The following CRPPA variants were observed in gnomAD, a reference collection of about 807,000 sequenced individuals.
CRPPA encodes the protein D-ribitol-5-phosphate cytidylyltransferase.
A neutral mutation model predicts 52.0 loss-of-function variants in CRPPA; 43 were observed. The observed-to-expected ratio is 0.83, with a 90% CI of 0.65 to 1.07. CRPPA has a LOEUF of 1.07. CRPPA is among the 50% of genes least tolerant of loss of function. CRPPA has a pLI of 0.00. For missense variants in CRPPA, 629 were observed against 551.7 expected, an observed-to-expected ratio of 1.14 and a Z score of -1.40; for synonymous variants, 250 against 203.5, an observed-to-expected ratio of 1.23 and a Z score of -1.94.
intron 3 of CRPPA, among the ~76,000 whole-genome samples, chr7:16,374,445 C>G (rs1212511324): frequency 2.0e-5 from 3 of 152,178 alleles, no homozygotes; most frequent in Non-Finnish European, 4.4e-5. Context: ...GGGACTTCAC[C>G]TTGTAACTGT....
At chr7:16,158,626 G>A (rs991490814) in intron 9 of CRPPA, among the ~76,000 whole-genome samples, 1 of 152,106 alleles carries the variant, frequency 6.6e-6, no homozygotes, top group Admixed American at 6.5e-5. Flanking sequence ...ACTGCACAGA[G>A]TAAACTAGTA....
chr7:16,377,612 GA>G (rs555774626), intron 2 of CRPPA, among the ~76,000 whole-genome samples: 90 of 152,272 alleles, frequency 5.9e-4, no homozygotes, highest in African/African-American at 2.1e-3. Flanking sequence ...TTCAGCAAAT[GA>G]AGAAACATTT....
rs1479431583 is a variant in CRPPA, at chr7:16,087,588, T to C, written c.*4107A>G. 6.6e-6 allele frequency: 1 copy of C among 151,944 alleles called. No homozygotes were observed. Among genetic ancestry groups the C allele is most frequent in the Admixed American group, 6.6e-5 (1 of 15,248 alleles). 9.4% of individuals were successfully genotyped at this position (151,944 alleles called of 1,614,324 possible). ...GTAAAAACAACATATTTAGAATCTT[T>C]ATAGTACTTTTCAATGTCACCTTAA... is the stretch of plus-strand genomic sequence containing the variant. On this transcript the variant is annotated 3_prime_UTR_variant, in exon 10 of 10. Transcript: ENST00000407010.
At chr7:16,371,656 A>G (rs1323684026) in intron 3 of CRPPA, among the ~76,000 whole-genome samples, 7 of 152,080 alleles carry the variant, frequency 4.6e-5, no homozygotes. Flanking sequence ...ACAGGGTTCT[A>G]TAACAACCTA....
chr7:16,105,471 T>C (rs1450654979), intron 9 of CRPPA, among the ~76,000 whole-genome samples: 1 of 152,172 alleles, frequency 6.6e-6, no homozygotes, highest in Non-Finnish European at 1.5e-5. Flanking sequence ...GCATGCTTCC[T>C]AGAAAGCCCA....
At chr7:16,119,962 G>T (rs2128369476) in intron 9 of CRPPA, among the ~76,000 whole-genome samples, 1 of 152,300 alleles carries the variant, frequency 6.6e-6, no homozygotes, top group East Asian at 1.9e-4. Flanking sequence ...TCACACAGGA[G>T]TGTCTTAAGA....
At chr7:16,387,334 T>C (rs904422195) in intron 2 of CRPPA, among the ~76,000 whole-genome samples, 6 of 151,728 alleles carry the variant, frequency 4.0e-5, no homozygotes, top group Non-Finnish European at 8.8e-5. Flanking sequence ...GGAATTAAGG[T>C]AGTAAATTCT....
At chr7:16,094,149 A>C (rs1324215560) in intron 9 of CRPPA, among the ~76,000 whole-genome samples, 8 of 152,152 alleles carry the variant, frequency 5.3e-5, no homozygotes, top group Non-Finnish European at 1.5e-5. Context: ...GTCCTTTTAA[A>C]GATTAATTTA....
intron 9 of CRPPA, among the ~76,000 whole-genome samples, chr7:16,161,914 G>T (rs1473192509): frequency 6.6e-6 from 1 of 152,156 alleles, no homozygotes; most frequent in Non-Finnish European, 1.5e-5. Context: ...TTAGTCTTGG[G>T]AGGGTGCTAT....
At chr7:16,241,062 T>C (rs1783093480) in intron 8 of CRPPA, among the ~76,000 whole-genome samples, 1 of 152,272 alleles carries the variant, frequency 6.6e-6, no homozygotes, top group South Asian at 2.1e-4. Flanking sequence ...TGATACACAG[T>C]AATACACTAG....
chr7:16,299,277 T>C (rs1009768441), intron 5 of CRPPA, among the ~76,000 whole-genome samples: 1 of 152,062 alleles, frequency 6.6e-6, no homozygotes, highest in East Asian at 1.9e-4. Context: ...AAGTCATAAA[T>C]GGAAGGGGTA....
chr7:16,253,248 A>G (rs1055622908), intron 8 of CRPPA, among the ~76,000 whole-genome samples: 13 of 152,200 alleles, frequency 8.5e-5, no homozygotes, highest in African/African-American at 2.9e-4. Flanking sequence ...ATTTAGTGCT[A>G]TAAATTTCCC....
At chr7:16,208,071 A>G (rs910003109) in intron 9 of CRPPA, among the ~76,000 whole-genome samples, 1 of 152,168 alleles carries the variant, frequency 6.6e-6, no homozygotes, top group African/African-American at 2.4e-5. Context: ...CTCAATTGCA[A>G]CAACACTATT....
At chr7:16,258,560 G>C (rs1002627279) in intron 7 of CRPPA, 78 bp from the exon 8 acceptor site, 3 of 775,970 alleles carry the variant, frequency 3.9e-6, no homozygotes, top group Non-Finnish European at 6.2e-6. Context: ...AATAAATGGA[G>C]AGATTCTGCA....
chr7:16,278,544 T>G (rs1458382686), intron 5 of CRPPA, among the ~76,000 whole-genome samples: 1 of 152,302 alleles, frequency 6.6e-6, no homozygotes. Flanking sequence ...AATTCAATCT[T>G]TCCATGTTTA....
intron 6 of CRPPA, among the ~76,000 whole-genome samples, chr7:16,271,182 T>A (rs753697398): frequency 6.6e-6 from 1 of 152,102 alleles, no homozygotes; most frequent in African/African-American, 2.4e-5. Flanking sequence ...GCCCCTACAG[T>A]CCCTGTTTGT....
chr7:16,407,555 T>A (rs780940712), intron 1 of CRPPA, among the ~76,000 whole-genome samples: 31 of 152,206 alleles, frequency 2.0e-4, no homozygotes, highest in Non-Finnish European at 4.1e-4. Flanking sequence ...TTTAGAATAT[T>A]TTTAAAGATA....
chr7:16,321,824 A>C (rs1785272356), intron 3 of CRPPA, among the ~76,000 whole-genome samples: 1 of 152,148 alleles, frequency 6.6e-6, no homozygotes, highest in South Asian at 2.1e-4. Flanking sequence ...AAACTGAGGA[A>C]CGTCTATCCT....
intron 9 of CRPPA, among the ~76,000 whole-genome samples, chr7:16,139,507 A>G (rs1782826065): frequency 1.3e-5 from 2 of 152,212 alleles, no homozygotes; most frequent in African/African-American, 4.8e-5. Flanking sequence ...TCATATCTAA[A>G]TAATATTAAC....
Sources: gnomAD v4.1 joint callset for allele counts (sites outside exome capture counted in the v4.1 genomes callset) on GRCh38, gnomAD v4.1.1 for gene constraint, MANE v1.5 for transcripts, NCBI Gene and HGNC (gene_info 2026-07-23, HGNC 2026-07-21) for gene names.